The following ARHGAP28 variants were observed in gnomAD, a reference collection of about 807,000 sequenced individuals.
ARHGAP28 encodes Rho GTPase activating protein 28.
Under a neutral mutation model 90.7 loss-of-function variants are expected in ARHGAP28, and 56 were observed. The ratio of observed to expected loss-of-function variants is 0.62; its 90% CI spans 0.50 to 0.77. The LOEUF (loss-of-function observed/expected upper bound fraction) is 0.77. ARHGAP28 is among the 30% of genes least tolerant of loss of function. The probability of loss-of-function intolerance (pLI) is 0.00; values close to 1 mark genes in which losing one functional copy is unlikely to be tolerated. For synonymous variants in ARHGAP28, 308 were observed against 323.3 expected, an observed-to-expected ratio of 0.95 and a Z score of 0.51; for missense variants, 869 against 900.9, an observed-to-expected ratio of 0.96 and a Z score of 0.45.
Position 6,892,032 on chromosome 18 carries a change from TCTGA to T in ARHGAP28, c.1848+1492_1848+1495del, listed in dbSNP as rs543989771. 2.5e-3 allele frequency among the ~76,000 whole-genome samples: 382 copies of T among 152,318 alleles called. 3 individuals carry two copies. Among genetic ancestry groups the T allele is most frequent in the African/African-American group, 8.2e-3 (343 of 41,586 alleles). ...ATAATCATGATGAAAGACTGTATTC[TCTGA>T]CTCATGATAGGCAAAGTGACTTCAT... is the stretch of plus-strand genomic sequence containing the variant. On this transcript the variant is annotated intron_variant, in intron 14 of 17. Coordinates refer to ENST00000383472, the MANE Select transcript of ARHGAP28 (RefSeq NM_001366230.1).
intron 1 of ARHGAP28, among the ~76,000 whole-genome samples, chr18:6,813,779 G>T (rs1007994002): frequency 1.3e-5 from 2 of 152,054 alleles, no homozygotes; most frequent in African/African-American, 4.8e-5. Context: ...ATAATTAGCT[G>T]TGTCATTTTG....
At chr18:6,761,218 G>A (rs1433423898) in intron 1 of ARHGAP28, among the ~76,000 whole-genome samples, 1 of 152,084 alleles carries the variant, frequency 6.6e-6, no homozygotes, top group Non-Finnish European at 1.5e-5. Flanking sequence ...GAGCTCCTGA[G>A]TTACTCTTCT....
chr18:6,757,394 A>T (rs747159456), intron 1 of ARHGAP28, among the ~76,000 whole-genome samples: 1 of 152,238 alleles, frequency 6.6e-6, no homozygotes, highest in Non-Finnish European at 1.5e-5. Context: ...AAGATGGGTC[A>T]GAGGCAGAGA....
chr18:6,876,115 T>C lies in ARHGAP28; in HGVS notation c.1213-16T>C. 1.2e-6 allele frequency: 2 copies of C among 1,602,936 alleles called. No homozygotes were observed. The highest frequency in any genetic ancestry group is 1.7e-6 in the Non-Finnish European group (2 of 1,169,920). ...TATAGAGGTACTTATTCTGGTAATA[T>C]ATCATTGCTTTCTAGTTTTTTGAGA... On this transcript the variant is annotated splice_polypyrimidine_tract_variant and intron_variant, in intron 9 of 17. Coordinates refer to ENST00000383472, the MANE Select transcript of ARHGAP28 (RefSeq NM_001366230.1).
chr18:6,769,549 A>G (rs1007049425), intron 1 of ARHGAP28, among the ~76,000 whole-genome samples: 5 of 152,218 alleles, frequency 3.3e-5, no homozygotes, highest in African/African-American at 1.2e-4. Flanking sequence ...CTATGACCCA[A>G]TGAGGTAGGT....
In ARHGAP28 at chr18:6,882,267, A is replaced by C; in HGVS notation, c.1421A>C (p.Glu474Ala). The C allele has an allele frequency of 6.2e-7, 1 of 1,613,990 alleles. No individual in the cohort carries two copies. The highest frequency in any genetic ancestry group is 8.5e-7 in the Non-Finnish European group (1 of 1,179,958). The change falls in exon 11 of 18, where the codon GAA becomes GCA. Residue 474 changes from glutamate (E) to alanine (A), a missense_variant. Transcript: ENST00000383472. ...CTACCCACCTCTCTCTTCCCTGTGG[A>C]ATATATACCTGCCTTCATCAGTCTA... is the stretch of plus-strand genomic sequence containing the variant. ...RELPTSLFPV[E>A]YIPAFISLME...
At chr18:6,911,177 C>T (rs997637014) in intron 17 of ARHGAP28, among the ~76,000 whole-genome samples, 2 of 152,176 alleles carry the variant, frequency 1.3e-5, no homozygotes, top group Non-Finnish European at 2.9e-5. Flanking sequence ...ACATTTCAAG[C>T]ACACTGCACG....
In ARHGAP28 at chr18:6,868,141, G is replaced by C. The variant is rs1364568455; in HGVS notation, c.727-9G>C. 2 of 1,611,666 alleles carry C rather than the reference G, an allele frequency of 1.2e-6. No individual in the cohort carries two copies. The highest frequency in any genetic ancestry group is 2.7e-5 in the African/African-American group (2 of 74,826). On this transcript the variant is annotated splice_polypyrimidine_tract_variant and intron_variant, in intron 5 of 17. Transcript: ENST00000383472. Reference sequence around the variant, plus strand: ...AAATGTTTTGTGTTCATCTTCCTTTGCTTGGCAGGCTATACTTGAGACCAT... The same window carrying C: ...AAATGTTTTGTGTTCATCTTCCTTTCCTTGGCAGGCTATACTTGAGACCAT...
intron 2 of ARHGAP28, among the ~76,000 whole-genome samples, chr18:6,828,105 T>C (rs1175770083): frequency 6.6e-6 from 1 of 152,130 alleles, no homozygotes; most frequent in African/African-American, 2.4e-5. Context: ...TCCCGGCACC[T>C]TGGGAGGCCG....
At chr18:6,751,239 C>T (rs2056066587) in intron 1 of ARHGAP28, among the ~76,000 whole-genome samples, 1 of 151,588 alleles carries the variant, frequency 6.6e-6, no homozygotes, top group Admixed American at 6.6e-5. Context: ...AAATGATACA[C>T]CAAAGAAACA....
intron 1 of ARHGAP28, among the ~76,000 whole-genome samples, chr18:6,776,501 G>A (rs548597330): frequency 2.3e-4 from 35 of 152,296 alleles, no homozygotes; most frequent in African/African-American, 8.4e-4. Flanking sequence ...TGCTGCTGGC[G>A]GTAAGACTGC....
intron 1 of ARHGAP28, among the ~76,000 whole-genome samples, chr18:6,805,360 C>T (rs1274291437): frequency 1.3e-5 from 2 of 151,962 alleles, no homozygotes; most frequent in Non-Finnish European, 2.9e-5. Context: ...AATATAGCCA[C>T]TACAACTTTC....
intron 1 of ARHGAP28, among the ~76,000 whole-genome samples, chr18:6,748,483 G>C (rs1422566863): frequency 6.6e-6 from 1 of 152,158 alleles, no homozygotes. Context: ...TTGTCTCCTT[G>C]AATCAGGACA....
intron 1 of ARHGAP28, among the ~76,000 whole-genome samples, chr18:6,737,802 A>T (rs1485349614): frequency 1.3e-5 from 2 of 152,130 alleles, no homozygotes; most frequent in Non-Finnish European, 2.9e-5. Flanking sequence ...AGTGGGAAAT[A>T]AAAAAAGTAG....
chr18:6,887,430 G>GTT (rs10651246), intron 12 of ARHGAP28, among the ~76,000 whole-genome samples, 191 bp downstream of exon 12: 74,790 of 137,986 alleles, frequency 0.54, 20,585 homozygotes, highest in East Asian at 0.66. Context: ...TTGGTATCTT[G>GTT]TTTTTTTTTT....
At chr18:6,869,879 G>A (rs2057069640) in intron 6 of ARHGAP28, among the ~76,000 whole-genome samples, 1 of 152,152 alleles carries the variant, frequency 6.6e-6, no homozygotes, top group South Asian at 2.1e-4. Context: ...AATCAGGTTA[G>A]GATCGCTCAA....
intron 1 of ARHGAP28, among the ~76,000 whole-genome samples, chr18:6,741,860 C>T (rs563629271): frequency 2.6e-5 from 4 of 152,146 alleles, no homozygotes; most frequent in Non-Finnish European, 5.9e-5. Flanking sequence ...TCCATAAAAT[C>T]AAAACTGTAA....
At chr18:6,790,726 AG>A (rs2056400322) in intron 1 of ARHGAP28, 2 of 152,184 alleles carry the variant, frequency 1.3e-5, no homozygotes, top group Admixed American at 1.3e-4. Flanking sequence ...ATAAGAACAG[AG>A]GGGTAAAGGA....
intron 1 of ARHGAP28, among the ~76,000 whole-genome samples, chr18:6,813,750 T>C (rs2056572411): frequency 6.6e-6 from 1 of 151,994 alleles, no homozygotes; most frequent in African/African-American, 2.4e-5. Flanking sequence ...GGAGACCAAA[T>C]TTGTAGTTCC....
Sources: allele counts gnomAD v4.1 joint callset (sites outside exome capture counted in the v4.1 genomes callset), GRCh38; gene constraint gnomAD v4.1.1; transcripts MANE v1.5; gene names NCBI Gene and HGNC (gene_info 2026-07-23, HGNC 2026-07-21).